The following ERBB4 variants were observed in gnomAD, a reference collection of about 807,000 sequenced individuals.
ERBB4 encodes the protein receptor tyrosine-protein kinase erbB-4.
Under a neutral mutation model 158.0 loss-of-function variants are expected in ERBB4, and 42 were observed. The observed-to-expected ratio is 0.27, with a 90% CI of 0.21 to 0.34. ERBB4 has a LOEUF of 0.34. Among genes scored for constraint, ERBB4 ranks in the 10% least tolerant of loss-of-function variants. The pLI is 1.00. For missense variants in ERBB4, 1,333 were observed against 1,624.1 expected, an observed-to-expected ratio of 0.82 and a Z score of 3.08; for synonymous variants, 583 against 558.7, an observed-to-expected ratio of 1.04 and a Z score of -0.61.
At chr2:211,853,932 G>A (rs1309977187) in intron 3 of ERBB4, among the ~76,000 whole-genome samples, 3 of 151,882 alleles carry the variant, frequency 2.0e-5, no homozygotes, top group African/African-American at 7.3e-5. Context: ...TCAGAAAAGG[G>A]GCTTTAATTC....
chr2:211,658,246 C>T (rs143636341), intron 15 of ERBB4, among the ~76,000 whole-genome samples: 14 of 152,264 alleles, frequency 9.2e-5, no homozygotes, highest in East Asian at 5.8e-4. Context: ...AACTTCCAAA[C>T]GCACAGCTCA....
At chr2:212,158,755 T>C (rs1216461534) in intron 1 of ERBB4, among the ~76,000 whole-genome samples, 2 of 152,026 alleles carry the variant, frequency 1.3e-5, no homozygotes. Context: ...TCATTAAATA[T>C]CTGTCAATAT....
At chr2:212,194,434 C>A (rs1217182276) in intron 1 of ERBB4, among the ~76,000 whole-genome samples, 1 of 151,880 alleles carries the variant, frequency 6.6e-6, no homozygotes, top group Non-Finnish European at 1.5e-5. Context: ...ATGACTAGAG[C>A]ATTAAGCTAG....
chr2:211,709,274 T>TATATACATATATATATATAC (rs1553615210), intron 9 of ERBB4, among the ~76,000 whole-genome samples: 2 of 136,554 alleles, frequency 1.5e-5, no homozygotes, highest in African/African-American at 5.7e-5. Context: ...TATATATATA[T>TATATACATATATATATATAC]ACATACATAT....
chr2:211,581,231 T>C (rs1271398528), intron 19 of ERBB4, among the ~76,000 whole-genome samples: 1 of 151,850 alleles, frequency 6.6e-6, no homozygotes, highest in Non-Finnish European at 1.5e-5. Context: ...CTTACTCATG[T>C]AACAAAACAT....
At chr2:212,045,690 T>C (rs1259071238) in intron 2 of ERBB4, among the ~76,000 whole-genome samples, 1 of 152,136 alleles carries the variant, frequency 6.6e-6, no homozygotes, top group Non-Finnish European at 1.5e-5. Flanking sequence ...TTAAGGCTGA[T>C]AGATGAACCT....
chr2:211,704,954 T>C (rs2073382676), intron 10 of ERBB4, among the ~76,000 whole-genome samples: 1 of 152,066 alleles, frequency 6.6e-6, no homozygotes, highest in South Asian at 2.1e-4. Flanking sequence ...TTTTGTTTTG[T>C]TTTGTTTTTT....
At chr2:212,256,681 A>G (rs2084751549) in intron 1 of ERBB4, among the ~76,000 whole-genome samples, 1 of 152,192 alleles carries the variant, frequency 6.6e-6, no homozygotes, top group Non-Finnish European at 1.5e-5. Context: ...ACAGAGGATA[A>G]GTCAGTAGCC....
At chr2:211,701,494 T>C (rs192764137) in intron 12 of ERBB4, among the ~76,000 whole-genome samples, 739 of 151,920 alleles carry the variant, frequency 4.9e-3, no homozygotes, top group Admixed American at 9.6e-3. Context: ...CGGTGGCTCA[T>C]GCCTGTAATC....
At chr2:211,938,878 A>G (rs977072118) in intron 3 of ERBB4, among the ~76,000 whole-genome samples, 8 of 152,148 alleles carry the variant, frequency 5.3e-5, no homozygotes, top group African/African-American at 1.9e-4. Flanking sequence ...AGAATCCTAA[A>G]CTTTTACCAG....
intron 20 of ERBB4, among the ~76,000 whole-genome samples, chr2:211,466,070 G>A (rs530065463): frequency 6.6e-6 from 1 of 152,242 alleles, no homozygotes; most frequent in African/African-American, 2.4e-5. Context: ...GCAAAGTAGT[G>A]AAGTCCTTGT....
intron 1 of ERBB4, among the ~76,000 whole-genome samples, chr2:212,394,035 A>G (rs1269635329): frequency 6.6e-6 from 1 of 152,164 alleles, no homozygotes; most frequent in East Asian, 1.9e-4. Context: ...ATCCACTTGC[A>G]TACCCTTTAC....
intron 16 of ERBB4, among the ~76,000 whole-genome samples, chr2:211,655,409 C>T (rs1375769553): frequency 6.6e-6 from 1 of 152,146 alleles, no homozygotes; most frequent in Non-Finnish European, 1.5e-5. Context: ...TAAGGACACA[C>T]TCAATCTTAC....
intron 2 of ERBB4, among the ~76,000 whole-genome samples, chr2:212,038,008 A>C (rs928157185): frequency 4.6e-5 from 7 of 152,148 alleles, no homozygotes; most frequent in Non-Finnish European, 8.8e-5. Flanking sequence ...TTGTTCTTTA[A>C]TCATGTATTT....
intron 2 of ERBB4, among the ~76,000 whole-genome samples, chr2:212,078,111 GTTAC>G (rs2078327245): frequency 6.6e-6 from 1 of 151,980 alleles, no homozygotes; most frequent in African/African-American, 2.4e-5. Context: ...ATTATTTAAT[GTTAC>G]TTATTTGCAA....
chr2:211,571,035 C>CTCTT (rs1553571913), intron 19 of ERBB4, among the ~76,000 whole-genome samples: 3 of 81,218 alleles, frequency 3.7e-5, no homozygotes. Flanking sequence ...TCTGAGTACT[C>CTCTT]TTCTTCTTTT....
chr2:211,984,222 C>T (rs2081878662), intron 2 of ERBB4, among the ~76,000 whole-genome samples: 1 of 152,092 alleles, frequency 6.6e-6, no homozygotes, highest in African/African-American at 2.4e-5. Flanking sequence ...TATAGGAGCA[C>T]TTATGCCATT....
intron 6 of ERBB4, 24 bp from the exon 7 acceptor site, chr2:211,722,558 T>C: frequency 6.2e-7 from 1 of 1,612,636 alleles, no homozygotes. Context: ...AATATTACTT[T>C]CATTTACAAA....
intron 1 of ERBB4, among the ~76,000 whole-genome samples, chr2:212,189,164 A>G (rs753250246): frequency 6.6e-5 from 10 of 152,030 alleles, no homozygotes; most frequent in Admixed American, 4.6e-4. Flanking sequence ...AAATGTTCCA[A>G]TGAGCACTTC....
Sources: gnomAD v4.1 joint callset for allele counts (sites outside exome capture counted in the v4.1 genomes callset) on GRCh38, gnomAD v4.1.1 for gene constraint, MANE v1.5 for transcripts, NCBI Gene and HGNC (gene_info 2026-07-23, HGNC 2026-07-21) for gene names.